Variants in SH3RF1 observed in about 807,000 individuals in gnomAD.
SH3RF1 encodes SH3 domain containing ring finger 1, also known as E3 ubiquitin-protein ligase SH3RF1.
Under a neutral mutation model 74.0 loss-of-function variants are expected in SH3RF1, and 32 were observed. The observed-to-expected ratio is 0.43, with a 90% CI of 0.33 to 0.58. SH3RF1 has a LOEUF of 0.58. Among genes scored for constraint, SH3RF1 ranks in the 20% least tolerant of loss-of-function variants. The pLI, the probability that SH3RF1 is intolerant of heterozygous loss-of-function variation, is 0.05. For missense variants in SH3RF1, 954 were observed against 1,130.9 expected (o/e 0.84, Z 2.24); for synonymous variants, 396 against 439.6 (o/e 0.90, Z 1.24).
chr4:169,219,269 G>C (rs1055359584), intron 2 of SH3RF1, among the ~76,000 whole-genome samples: 1 of 152,194 alleles, frequency 6.6e-6, no homozygotes, highest in African/African-American at 2.4e-5. Flanking sequence ...ATCATCAGGA[G>C]AGGGTTAATT....
chr4:169,128,752 C>T (rs750845775), intron 6 of SH3RF1, among the ~76,000 whole-genome samples: 3 of 152,166 alleles, frequency 2.0e-5, no homozygotes, highest in South Asian at 2.1e-4. Context: ...GTCCTAAGCA[C>T]TCTAGCAGAG....
chr4:169,115,716 A>G (rs1414801364), intron 10 of SH3RF1, among the ~76,000 whole-genome samples: 1 of 152,220 alleles, frequency 6.6e-6, no homozygotes, highest in Non-Finnish European at 1.5e-5. Flanking sequence ...CCCTGGGTCC[A>G]TGGAAAATCT....
Position 169,269,188 on chromosome 4 carries a change from G to A in SH3RF1, c.25C>T (p.Leu9Phe). The change falls in exon 2 of 12, where the codon CTT (leucine) becomes TTT (phenylalanine). Residue 9 changes from leucine (L) to phenylalanine (F), a missense_variant. Physicochemically the swap from Leu to Phe is conservative, Grantham distance 22. Around this residue, in one of 3 missense-constraint regions of SH3RF1, gnomAD observed 64 missense variants for 101.9 expected, o/e 0.63. Coordinates refer to ENST00000284637, the MANE Select transcript of SH3RF1 (RefSeq NM_020870.4). The part of the protein sequence containing the change: MDESALLD[L>F]LECPVCLERL... ...TCTAGACACACCGGACACTCCAAAA[G>A]ATCCAACAAGGCTGATTCATCCATC... The A allele has an allele frequency of 6.3e-7, 1 of 1,594,986 alleles. No individual in the cohort carries two copies. The highest frequency in any genetic ancestry group is 1.3e-5 in the African/African-American group (1 of 74,558).
At chr4:169,227,485 G>A (rs551064716) in intron 2 of SH3RF1, among the ~76,000 whole-genome samples, 1 of 152,278 alleles carries the variant, frequency 6.6e-6, no homozygotes, top group African/African-American at 2.4e-5. Context: ...ACAGGTATCA[G>A]GCATAGAGTT....
chr4:169,200,486 T>C (rs1238526746), intron 2 of SH3RF1, among the ~76,000 whole-genome samples: 3 of 151,922 alleles, frequency 2.0e-5, no homozygotes, highest in Non-Finnish European at 4.4e-5. Flanking sequence ...CACTAGAAAA[T>C]AAATATTTAC....
At chr4:169,210,906 A>G (rs1365750522) in intron 2 of SH3RF1, among the ~76,000 whole-genome samples, 2 of 152,206 alleles carry the variant, frequency 1.3e-5, no homozygotes, top group Non-Finnish European at 2.9e-5. Context: ...TGGCTCAGGG[A>G]CTTCCCGATT....
At chr4:169,143,230 A>G (rs527793270) in intron 4 of SH3RF1, among the ~76,000 whole-genome samples, 1 of 152,362 alleles carries the variant, frequency 6.6e-6, no homozygotes, top group East Asian at 1.9e-4. Flanking sequence ...AAAGACAGAA[A>G]GAAATAGGTA....
intron 4 of SH3RF1, among the ~76,000 whole-genome samples, chr4:169,152,723 G>A (rs893941968): frequency 1.3e-5 from 2 of 152,156 alleles, no homozygotes; most frequent in Non-Finnish European, 2.9e-5. Context: ...CGCAACAAGA[G>A]CGAAACTCTA....
rs372163983 is a variant in SH3RF1, at chr4:169,155,489, T to C, written c.756A>G (p.Ser252=). The C allele has an allele frequency of 6.2e-7, 1 of 1,610,450 alleles. No homozygotes were observed. The highest frequency in any genetic ancestry group is 8.5e-7 in the Non-Finnish European group (1 of 1,176,868). ...CTACAGATTAATTTACCTCAACATA[T>C]GAAATTGGAAATATTCCTATTTTGT... is the stretch of plus-strand genomic sequence containing the variant. ...LADKIGIFPI[S]YVEFNSAAKQ... Residue 252 remains serine (S), a synonymous_variant, in exon 4 of 12, where the codon TCA becomes TCG. Transcript: ENST00000284637.
chr4:169,102,330 A>G (rs938707472), intron 11 of SH3RF1, among the ~76,000 whole-genome samples: 1 of 152,082 alleles, frequency 6.6e-6, no homozygotes, highest in Non-Finnish European at 1.5e-5. Flanking sequence ...CTGTAAATCT[A>G]TCTCTATCCA....
intron 2 of SH3RF1, among the ~76,000 whole-genome samples, chr4:169,165,640 G>GC (rs1016228783): frequency 3.8e-5 from 5 of 132,412 alleles, no homozygotes; most frequent in African/African-American, 1.7e-4. Context: ...AAAAAGGCGG[G>GC]GGGGGGAGTC....
chr4:169,253,834 CTA>C (rs1380431448), intron 2 of SH3RF1, among the ~76,000 whole-genome samples: 2 of 152,204 alleles, frequency 1.3e-5, no homozygotes, highest in African/African-American at 4.8e-5. Flanking sequence ...TCATTTTCCT[CTA>C]TGTCAGAATG....
rs1340748562 is a variant in SH3RF1, at chr4:169,136,490, G to C, written c.896C>G (p.Thr299Ser). Reference protein sequence around the residue: ...APKHSDTKKNTKKRHSFTSLT... With the variant: ...APKHSDTKKNSKKRHSFTSLT... Reference sequence around the variant, plus strand: ...GGAAGTGAAGGAGTGCCGCTTTTTGGTGTTCTTCTTGGTGTCGGAGTGCTT... The same window carrying C: ...GGAAGTGAAGGAGTGCCGCTTTTTGCTGTTCTTCTTGGTGTCGGAGTGCTT... The change falls in exon 5 of 12, where the codon ACC (threonine) becomes AGC (serine). Residue 299 changes from threonine (T) to serine (S), a missense_variant. Thr to Ser is a moderately conservative substitution (Grantham distance 58). Coordinates refer to ENST00000284637, the MANE Select transcript of SH3RF1 (RefSeq NM_020870.4). 6.2e-7 allele frequency: 1 copy of C among 1,613,910 alleles called. No homozygotes were observed. Among genetic ancestry groups the C allele is most frequent in the South Asian group, 1.1e-5 (1 of 91,044 alleles).
chr4:169,172,287 T>G (rs917576216), intron 2 of SH3RF1, among the ~76,000 whole-genome samples: 1 of 152,244 alleles, frequency 6.6e-6, no homozygotes, highest in Non-Finnish European at 1.5e-5. Flanking sequence ...GCTAAAACCA[T>G]GTGTCCAGTT....
intron 2 of SH3RF1, among the ~76,000 whole-genome samples, chr4:169,170,267 CA>C (rs1238541782): frequency 1.3e-5 from 2 of 152,062 alleles, no homozygotes; most frequent in African/African-American, 4.8e-5. Context: ...TAAAATGACA[CA>C]TTTTTTTCTG....
At chr4:169,261,874 C>T (rs1041766967) in intron 2 of SH3RF1, among the ~76,000 whole-genome samples, 1 of 151,968 alleles carries the variant, frequency 6.6e-6, no homozygotes, top group African/African-American at 2.4e-5. Flanking sequence ...CATTTCTTAC[C>T]ATAAGCATGT....
chr4:169,121,030 G>A (rs368156996), intron 7 of SH3RF1, 41 bp from the exon 8 acceptor site: 247 of 1,535,014 alleles, frequency 1.6e-4, no homozygotes, highest in Non-Finnish European at 1.6e-4. Flanking sequence ...TTGAGTAACA[G>A]ACAAATCCCA....
intron 10 of SH3RF1, among the ~76,000 whole-genome samples, chr4:169,111,854 C>T (rs1020571719): frequency 6.6e-6 from 1 of 152,160 alleles, no homozygotes; most frequent in Non-Finnish European, 1.5e-5. Context: ...TATCAAACCA[C>T]GGAGTGCAGA....
chr4:169,219,436 A>T (rs1730525663), intron 2 of SH3RF1, among the ~76,000 whole-genome samples: 1 of 152,218 alleles, frequency 6.6e-6, no homozygotes, highest in Admixed American at 6.5e-5. Context: ...CTTACTTCCA[A>T]TAAAGGAGTC....
Sources: gnomAD v4.1 joint callset for allele counts (sites outside exome capture counted in the v4.1 genomes callset) on GRCh38, gnomAD v4.1.1 for gene constraint, gnomAD v4.1.1 regional missense constraint, MANE v1.5 for transcripts, NCBI Gene and HGNC (gene_info 2026-07-23, HGNC 2026-07-21) for gene names.